Variants in MBNL1 observed in about 807,000 individuals in gnomAD.
MBNL1 encodes the protein muscleblind-like protein 1.
Under a neutral mutation model 42.2 loss-of-function variants are expected in MBNL1, and 8 were observed. That is an observed-to-expected ratio of 0.19 (90% CI 0.11 to 0.34). MBNL1 has a LOEUF of 0.34. MBNL1 is among the 10% of genes least tolerant of loss of function. The pLI is 1.00. For missense variants in MBNL1, 309 were observed against 495.3 expected (o/e 0.62, Z 3.57); for synonymous variants, 169 against 173.9 (o/e 0.97, Z 0.22).
At chr3:152,387,588 C>T (rs752184002) in intron 2 of MBNL1, among the ~76,000 whole-genome samples, 150 of 152,128 alleles carry the variant, frequency 9.9e-4, no homozygotes, top group Middle Eastern at 3.4e-3. Context: ...GTTCCTTTCT[C>T]ATATATCATC....
At chr3:152,277,712 TGGTTTA>T (rs2046104144) in intron 1 of MBNL1, among the ~76,000 whole-genome samples, 1 of 152,142 alleles carries the variant, frequency 6.6e-6, no homozygotes, top group Non-Finnish European at 1.5e-5. Context: ...TACAAATAAA[TGGTTTA>T]AAATAGTTTA....
At chr3:152,340,599 T>C (rs1487752303) in intron 2 of MBNL1, 1 of 1,613,872 alleles carries the variant, frequency 6.2e-7, no homozygotes, top group South Asian at 1.1e-5. Flanking sequence ...TACTTCCAAG[T>C]TTGGAAACTA....
At chr3:152,428,804 C>T (rs1001864872) in intron 3 of MBNL1, among the ~76,000 whole-genome samples, 3 of 152,132 alleles carry the variant, frequency 2.0e-5, no homozygotes, top group Admixed American at 6.5e-5. Context: ...GTGTGAAAAC[C>T]ACTTTATCAC....
chr3:152,319,492 C>T (rs983787666), intron 2 of MBNL1, among the ~76,000 whole-genome samples: 2 of 151,874 alleles, frequency 1.3e-5, no homozygotes, highest in African/African-American at 4.8e-5. Context: ...GTCTTCATTT[C>T]AGGAAAATGG....
intron 2 of MBNL1, among the ~76,000 whole-genome samples, chr3:152,257,114 A>C (rs1032768168): frequency 6.6e-6 from 1 of 152,126 alleles, no homozygotes; most frequent in African/African-American, 2.4e-5. Context: ...ATACTATCGG[A>C]TTATTGCAGA....
chr3:152,301,681 A>C (rs1349565309), intron 2 of MBNL1, among the ~76,000 whole-genome samples: 5 of 152,070 alleles, frequency 3.3e-5, no homozygotes, highest in Admixed American at 2.0e-4. Flanking sequence ...AAAGTTATAA[A>C]CTCCCATTGA....
At chr3:152,408,214 G>A (rs1428857627) in intron 2 of MBNL1, among the ~76,000 whole-genome samples, 4 of 152,010 alleles carry the variant, frequency 2.6e-5, no homozygotes, top group African/African-American at 9.7e-5. Flanking sequence ...TTTAAACATA[G>A]TAGATACATA....
At chr3:152,269,904 G>GCCCCCCCCCCCC (rs141400947) in intron 1 of MBNL1, 1 of 118,570 alleles carries the variant, frequency 8.4e-6, no homozygotes, top group African/African-American at 3.2e-5. Flanking sequence ...CAAATATGTA[G>GCCCCCCCCCCCC]CCACCCCCCA....
At chr3:152,431,680 C>T (rs1041262370) in intron 3 of MBNL1, among the ~76,000 whole-genome samples, 1 of 152,116 alleles carries the variant, frequency 6.6e-6, no homozygotes, top group Non-Finnish European at 1.5e-5. Context: ...TCCGTTTTGC[C>T]TACAAGCTTT....
intron 2 of MBNL1, among the ~76,000 whole-genome samples, chr3:152,347,920 ATGT>A (rs1489008710): frequency 3.9e-5 from 6 of 152,288 alleles, no homozygotes; most frequent in Admixed American, 2.0e-4. Flanking sequence ...CCACAACTGT[ATGT>A]TGTTCTCATG....
At chr3:152,259,766 T>C (rs1027245851) in intron 2 of MBNL1, among the ~76,000 whole-genome samples, 1 of 152,214 alleles carries the variant, frequency 6.6e-6, no homozygotes, top group Non-Finnish European at 1.5e-5. Context: ...AATTCTGTCC[T>C]TACAAATGAA....
intron 9 of MBNL1, among the ~76,000 whole-genome samples, chr3:152,460,634 A>C (rs78232708): frequency 7.2e-5 from 11 of 151,916 alleles, no homozygotes; most frequent in African/African-American, 7.2e-5. Context: ...AAAAAAAAAA[A>C]CCACTGTCTT....
intron 2 of MBNL1, among the ~76,000 whole-genome samples, chr3:152,408,961 CT>C (rs2098503849): frequency 6.6e-6 from 1 of 152,174 alleles, no homozygotes; most frequent in African/African-American, 2.4e-5. Flanking sequence ...TTGTGAACAT[CT>C]TTTTAGGATG....
At chr3:152,346,138 G>A (rs1458704178) in intron 2 of MBNL1, among the ~76,000 whole-genome samples, 1 of 152,112 alleles carries the variant, frequency 6.6e-6, no homozygotes, top group East Asian at 1.9e-4. Flanking sequence ...CATGTGGCAG[G>A]ATGGGGTCCA....
intron 2 of MBNL1, among the ~76,000 whole-genome samples, chr3:152,403,723 CAA>C (rs1474910861): frequency 6.6e-6 from 1 of 151,906 alleles, no homozygotes; most frequent in Non-Finnish European, 1.5e-5. Context: ...TTTTTTGCCT[CAA>C]GAGATTTTCT....
At chr3:152,342,587 C>CACACACT (rs71144117) in intron 2 of MBNL1, among the ~76,000 whole-genome samples, 3 of 150,240 alleles carry the variant, frequency 2.0e-5, no homozygotes, top group African/African-American at 7.3e-5. Context: ...CACACACACA[C>CACACACT]TTTCCACAAA....
At chr3:152,291,064 A>G (rs894535452) in intron 1 of MBNL1, among the ~76,000 whole-genome samples, 4 of 152,204 alleles carry the variant, frequency 2.6e-5, no homozygotes, top group African/African-American at 9.6e-5. Context: ...AGATATGTCT[A>G]CCTGAGGCTA....
intron 2 of MBNL1, among the ~76,000 whole-genome samples, chr3:152,343,022 T>A (rs1239449572): frequency 6.6e-6 from 1 of 152,188 alleles, no homozygotes; most frequent in African/African-American, 2.4e-5. Context: ...TAGATGATCT[T>A]CCATTTTTGA....
At chr3:152,388,946 A>G (rs1472015949) in intron 2 of MBNL1, among the ~76,000 whole-genome samples, 1 of 152,224 alleles carries the variant, frequency 6.6e-6, no homozygotes, top group Non-Finnish European at 1.5e-5. Context: ...GGAAAATATG[A>G]ATGTAGACAT....
Sources: gnomAD v4.1 joint callset for allele counts (sites outside exome capture counted in the v4.1 genomes callset) on GRCh38, gnomAD v4.1.1 for gene constraint, MANE v1.5 for transcripts, NCBI Gene and HGNC (gene_info 2026-07-23, HGNC 2026-07-21) for gene names.